Variants in EPB41L5 observed in about 807,000 individuals in gnomAD.
The protein encoded by EPB41L5 is erythrocyte membrane protein band 4.1 like 5.
In EPB41L5, 55 loss-of-function variants were observed where a neutral mutation model predicts 106.6. The observed-to-expected ratio is 0.52, with a 90% CI of 0.42 to 0.65. The LOEUF (loss-of-function observed/expected upper bound fraction) is 0.65, where lower values mean the gene tolerates loss of function less well. EPB41L5 is among the 30% of genes least tolerant of loss of function. The pLI, the probability that EPB41L5 is intolerant of heterozygous loss-of-function variation, is 0.00. For missense variants in EPB41L5, 871 were observed against 882.1 expected, an observed-to-expected ratio of 0.99 and a Z score of 0.16; for synonymous variants, 297 against 306.7, an observed-to-expected ratio of 0.97 and a Z score of 0.33.
Position 120,175,226 on chromosome 2 carries a change from G to T in EPB41L5, c.*319G>T. On this transcript the variant is annotated 3_prime_UTR_variant, in exon 25 of 25. Transcript: ENST00000263713. ...TTGGCTCCACCTAGCGGTTCTATTT[G>T]TTCATAACAACTTCATAACAAGCCT... 3.5e-6 allele frequency: 1 copy of T among 285,350 alleles called. No individual in the cohort carries two copies. Among genetic ancestry groups the T allele is most frequent in the East Asian group, 6.5e-5 (1 of 15,468 alleles). The allele number at this position is 285,350 out of a possible 1,614,324, so 17.7% of individuals were successfully genotyped here. A position where few individuals can be genotyped will look rare whatever the true frequency, so the allele number is the denominator to read the frequency against.
At chr2:120,015,864 TGA>T (rs1312867586) in intron 1 of EPB41L5, among the ~76,000 whole-genome samples, 2 of 142,896 alleles carry the variant, frequency 1.4e-5, no homozygotes, top group Non-Finnish European at 3.0e-5. Context: ...GCATGGTAGA[TGA>T]AGGCCGCAGT....
intron 3 of EPB41L5, among the ~76,000 whole-genome samples, chr2:120,049,165 A>C (rs987526017): frequency 6.6e-6 from 1 of 152,142 alleles, no homozygotes; most frequent in South Asian, 2.1e-4. Context: ...AGTTCTGCAG[A>C]TATCTATTAG....
chr2:120,138,194 G>T (rs1199984833), intron 18 of EPB41L5, among the ~76,000 whole-genome samples: 2 of 151,950 alleles, frequency 1.3e-5, no homozygotes, highest in Non-Finnish European at 2.9e-5. Context: ...AAAAAACTGG[G>T]TATAGATGGA....
chr2:120,116,779 C>T (rs1684964271), intron 16 of EPB41L5, among the ~76,000 whole-genome samples: 1 of 152,104 alleles, frequency 6.6e-6, no homozygotes, highest in Non-Finnish European at 1.5e-5. Context: ...CCTCCCACCT[C>T]AGCCTCCCAA....
At chr2:120,146,196 T>G (rs761602951) in intron 19 of EPB41L5, 29 bp from the exon 20 acceptor site, 5 of 1,365,590 alleles carry the variant, frequency 3.7e-6, no homozygotes, top group South Asian at 3.6e-5. Flanking sequence ...CAATAAAGAT[T>G]TACTTTTTTT....
intron 3 of EPB41L5, among the ~76,000 whole-genome samples, chr2:120,064,601 G>T (rs1166915679): frequency 2.6e-5 from 4 of 152,136 alleles, no homozygotes; most frequent in East Asian, 1.9e-4. Flanking sequence ...TGCCTAGTTC[G>T]ATAGGATGCT....
chr2:120,136,628 G>A (rs966600231), intron 18 of EPB41L5, among the ~76,000 whole-genome samples: 4 of 151,944 alleles, frequency 2.6e-5, no homozygotes, highest in African/African-American at 4.8e-5. Flanking sequence ...AACTGATTTT[G>A]AGACAAAAAC....
intron 10 of EPB41L5, among the ~76,000 whole-genome samples, chr2:120,080,556 C>A (rs531966208): frequency 6.6e-6 from 1 of 152,066 alleles, no homozygotes; most frequent in Non-Finnish European, 1.5e-5. Context: ...TGAATAGTGC[C>A]GCAGTAAACA....
intron 16 of EPB41L5, chr2:120,108,539 A>G (rs2105421184): frequency 6.6e-6 from 1 of 152,334 alleles, no homozygotes; most frequent in Middle Eastern, 3.4e-3. Context: ...TAGAGTTAAA[A>G]AATGAAAAAT....
chr2:120,088,045 A>G (rs187125187), intron 11 of EPB41L5, among the ~76,000 whole-genome samples: 17 of 151,982 alleles, frequency 1.1e-4, no homozygotes, highest in African/African-American at 3.6e-4. Flanking sequence ...ACATATGCAT[A>G]CAGATACAGA....
At chr2:120,031,487 T>C (rs1228644654) in intron 2 of EPB41L5, among the ~76,000 whole-genome samples, 1 of 152,226 alleles carries the variant, frequency 6.6e-6, no homozygotes, top group Non-Finnish European at 1.5e-5. Context: ...TAGATACAGA[T>C]GACTAATGAA....
chr2:120,071,383 A>G (rs960326711), intron 3 of EPB41L5, among the ~76,000 whole-genome samples: 2 of 152,214 alleles, frequency 1.3e-5, no homozygotes, highest in Admixed American at 6.5e-5. Flanking sequence ...AAGAATCAAT[A>G]TCATGAAAAT....
At chr2:120,067,495 G>A (rs1281138051) in intron 3 of EPB41L5, among the ~76,000 whole-genome samples, 1 of 152,188 alleles carries the variant, frequency 6.6e-6, no homozygotes, top group Non-Finnish European at 1.5e-5. Context: ...GTCACTGTTA[G>A]GACTTGGTGG....
intron 14 of EPB41L5, among the ~76,000 whole-genome samples, chr2:120,098,502 C>T (rs1034174993): frequency 6.6e-6 from 1 of 152,134 alleles, no homozygotes; most frequent in Non-Finnish European, 1.5e-5. Context: ...CATGAGCCAC[C>T]ATGCCTCACC....
chr2:120,088,027 A>T (rs553262269), intron 11 of EPB41L5, among the ~76,000 whole-genome samples: 1 of 152,068 alleles, frequency 6.6e-6, no homozygotes, highest in Non-Finnish European at 1.5e-5. Context: ...GCAAATTAAT[A>T]AATTTTAACA....
intron 16 of EPB41L5, among the ~76,000 whole-genome samples, chr2:120,120,303 G>A (rs964950758): frequency 3.3e-5 from 5 of 151,840 alleles, no homozygotes; most frequent in East Asian, 1.9e-4. Context: ...GTAGTGGCAC[G>A]TGGCTGTAGT....
Position 120,152,061 on chromosome 2 carries a change from G to A in EPB41L5, c.1793+5772G>A, listed in dbSNP as rs114357025. The stretch of plus-strand genomic sequence containing the variant: ...CTTTGGCTAGAACTTCCAGTACAGT[G>A]TTGAACAGAAGAGACAAAAACTGAC... On this transcript the variant is annotated intron_variant, in intron 20 of 24. Coordinates refer to ENST00000263713, the MANE Select transcript of EPB41L5 (RefSeq NM_020909.4). Among the ~76,000 whole-genome samples, 686 of 152,254 alleles carry A rather than the reference G, an allele frequency of 4.5e-3. 7 individuals carry two copies. Among genetic ancestry groups the A allele is most frequent in the Non-Finnish European group, 5.7e-3 (390 of 68,018 alleles).
chr2:120,169,079 A>G (rs187413658), intron 24 of EPB41L5, among the ~76,000 whole-genome samples: 2 of 152,228 alleles, frequency 1.3e-5, no homozygotes, highest in African/African-American at 4.8e-5. Context: ...AGCAGAGCTT[A>G]TCTCTTTCTT....
intron 2 of EPB41L5, among the ~76,000 whole-genome samples, chr2:120,040,463 A>G (rs375606076): frequency 6.6e-6 from 1 of 152,180 alleles, no homozygotes; most frequent in Non-Finnish European, 1.5e-5. Flanking sequence ...TACCCATCCA[A>G]CTGTCATTCG....
Sources: allele counts gnomAD v4.1 joint callset (sites outside exome capture counted in the v4.1 genomes callset), GRCh38; gene constraint gnomAD v4.1.1; transcripts MANE v1.5; gene names NCBI Gene and HGNC (gene_info 2026-07-23, HGNC 2026-07-21).